ADAMTS6: variants seen among roughly 807,000 people sequenced by gnomAD.
The protein encoded by ADAMTS6 is A disintegrin and metalloproteinase with thrombospondin motifs 6.
A neutral mutation model predicts 144.3 loss-of-function variants in ADAMTS6; 23 were observed. The observed-to-expected ratio is 0.16, with a 90% CI of 0.11 to 0.23. The LOEUF (loss-of-function observed/expected upper bound fraction) is 0.23, where lower values mean the gene tolerates loss of function less well. Among genes scored for constraint, ADAMTS6 ranks in the 10% least tolerant of loss-of-function variants. The pLI is 1.00. For missense variants in ADAMTS6, 999 were observed against 1,379.6 expected (o/e 0.72, Z 4.37); for synonymous variants, 444 against 457.5 (o/e 0.97, Z 0.38).
intron 24 of ADAMTS6, among the ~76,000 whole-genome samples, chr5:65,163,205 C>T (rs1172663446): frequency 1.3e-5 from 2 of 152,056 alleles, no homozygotes; most frequent in Non-Finnish European, 2.9e-5. Context: ...GCCACCACAC[C>T]CAGCTAAGAG....
Position 65,481,469 on chromosome 5 carries a change from C to T in ADAMTS6, c.-406G>A, listed in dbSNP as rs1325259247. 1 of 150,250 alleles carries T rather than the reference C, an allele frequency of 6.7e-6. No homozygotes were observed. 9.3% of individuals were successfully genotyped at this position (150,250 alleles called of 1,614,324 possible). A position where few individuals can be genotyped will look rare whatever the true frequency, so the allele number is the denominator to read the frequency against. Reference sequence around the variant, plus strand: ...TTTTATTTTTTTATTTTTTGCCCCCCTTTGCAAAGCCACACCAGCCAGTTA... The same window carrying T: ...TTTTATTTTTTTATTTTTTGCCCCCTTTTGCAAAGCCACACCAGCCAGTTA... On this transcript the variant is annotated 5_prime_UTR_variant, in exon 1 of 25. Transcript: ENST00000381055.
At chr5:65,456,902 A>G (rs764857571) in intron 4 of ADAMTS6, among the ~76,000 whole-genome samples, 42 of 152,202 alleles carry the variant, frequency 2.8e-4, no homozygotes, top group African/African-American at 8.0e-4. Flanking sequence ...GAAAAAAATA[A>G]TATCTGAATA....
intron 14 of ADAMTS6, chr5:65,256,470 C>A (rs2112569180): frequency 6.6e-6 from 1 of 152,162 alleles, no homozygotes; most frequent in Non-Finnish European, 1.5e-5. Flanking sequence ...AAGTTCTGAG[C>A]TAGTAGAGTC....
At chr5:65,296,554 C>A (rs958701521) in intron 10 of ADAMTS6, among the ~76,000 whole-genome samples, 1 of 152,128 alleles carries the variant, frequency 6.6e-6, no homozygotes, top group South Asian at 2.1e-4. Context: ...TTAGATTCTA[C>A]ATTTTTTTAA....
At chr5:65,271,612 A>G (rs990060821) in intron 12 of ADAMTS6, among the ~76,000 whole-genome samples, 17 of 152,128 alleles carry the variant, frequency 1.1e-4, no homozygotes, top group African/African-American at 4.1e-4. Flanking sequence ...ACGTATTTAC[A>G]ATATAATTTA....
At chr5:65,219,510 A>G (rs1037685943) in intron 18 of ADAMTS6, among the ~76,000 whole-genome samples, 5 of 152,254 alleles carry the variant, frequency 3.3e-5, no homozygotes, top group Admixed American at 6.5e-5. Context: ...AAGATTTACC[A>G]TGCAAACACT....
At chr5:65,342,145 T>G (rs759102026) in intron 7 of ADAMTS6, among the ~76,000 whole-genome samples, 2 of 152,154 alleles carry the variant, frequency 1.3e-5, no homozygotes, top group Non-Finnish European at 2.9e-5. Flanking sequence ...CAATATTGTT[T>G]AATGATAAAA....
intron 18 of ADAMTS6, among the ~76,000 whole-genome samples, chr5:65,220,862 G>T (rs1231883990): frequency 6.6e-6 from 1 of 152,048 alleles, no homozygotes; most frequent in Non-Finnish European, 1.5e-5. Flanking sequence ...CCCTCATTAG[G>T]ATTATCAAGG....
chr5:65,251,161 C>T (rs1023437746), intron 14 of ADAMTS6: 3 of 152,274 alleles, frequency 2.0e-5, no homozygotes, highest in African/African-American at 7.2e-5. Context: ...CCTAAGCAAA[C>T]ATTTTTCAGA....
chr5:65,171,707 TAA>T (rs963954247), intron 23 of ADAMTS6, among the ~76,000 whole-genome samples: 1 of 146,726 alleles, frequency 6.8e-6, no homozygotes. Flanking sequence ...TGGGGTCATT[TAA>T]AAAAAAAAAG....
rs542745285 is a variant in ADAMTS6 at position 65,268,152 on chromosome 5, T to A, written c.1620+5188A>T. On this transcript the variant is annotated intron_variant, in intron 12 of 24. Transcript: ENST00000381055. ...AGAAGGGCATTTAATAATACTATTC[T>A]AATCCAGCCCTGTGTTTCCTATGGA... 1.1e-3 allele frequency among the ~76,000 whole-genome samples: 162 copies of A among 152,328 alleles called. 1 individual carries two copies. Among genetic ancestry groups the A allele is most frequent in the African/African-American group, 3.7e-3 (155 of 41,584 alleles).
At chr5:65,411,239 G>T (rs918063357) in intron 7 of ADAMTS6, among the ~76,000 whole-genome samples, 5 of 152,108 alleles carry the variant, frequency 3.3e-5, no homozygotes, top group Middle Eastern at 3.2e-3. Context: ...TTGCTGTGCT[G>T]CAGTGAACAT....
intron 7 of ADAMTS6, among the ~76,000 whole-genome samples, chr5:65,347,694 T>C (rs1228319717): frequency 1.3e-5 from 2 of 151,932 alleles, no homozygotes; most frequent in African/African-American, 4.8e-5. Flanking sequence ...GCAAAGGAAA[T>C]TTAACAGTGA....
Position 65,275,764 on chromosome 5 carries a change from TA to T in ADAMTS6, c.1513-2318del, listed in dbSNP as rs200963849. 5.6e-3 allele frequency among the ~76,000 whole-genome samples: 856 copies of T among 152,074 alleles called. 8 individuals carry two copies. The highest frequency in any genetic ancestry group is 0.02 in the African/African-American group (826 of 41,554). On this transcript the variant is annotated intron_variant, in intron 11 of 24. Coordinates refer to ENST00000381055, the MANE Select transcript of ADAMTS6 (RefSeq NM_197941.4). ...TAATATATTCTTGTAGTTTAATATT[TA>T]AAAAGCAGTAAGAGTAACATTTAAG...
At chr5:65,412,739 T>A (rs773928536) in intron 7 of ADAMTS6, among the ~76,000 whole-genome samples, 3 of 152,012 alleles carry the variant, frequency 2.0e-5, no homozygotes, top group Non-Finnish European at 4.4e-5. Context: ...ATATTTGATA[T>A]CAAATAACAA....
At chr5:65,297,367 T>C (rs971819830) in intron 10 of ADAMTS6, 5 of 389,726 alleles carry the variant, frequency 1.3e-5, no homozygotes, top group Admixed American at 6.4e-5. Flanking sequence ...CAGTTGAACA[T>C]AGTGAATTGT....
At chr5:65,416,048 C>A in intron 7 of ADAMTS6, 1 of 188,096 alleles carries the variant, frequency 5.3e-6, no homozygotes, top group Non-Finnish European at 1.1e-5. Flanking sequence ...TGGGCAATTT[C>A]GCCAAGGCCA....
chr5:65,466,768 C>T (rs1333549862), intron 3 of ADAMTS6, among the ~76,000 whole-genome samples: 2 of 152,124 alleles, frequency 1.3e-5, no homozygotes, highest in African/African-American at 4.8e-5. Flanking sequence ...ATAGGCCGGG[C>T]GCGGTGGCTC....
At chr5:65,370,917 C>G (rs922873694) in intron 7 of ADAMTS6, among the ~76,000 whole-genome samples, 1 of 152,222 alleles carries the variant, frequency 6.6e-6, no homozygotes, top group Admixed American at 6.5e-5. Context: ...CAGCACACAG[C>G]TGGAGATCTG....
Sources: allele counts gnomAD v4.1 joint callset (sites outside exome capture counted in the v4.1 genomes callset), GRCh38; gene constraint gnomAD v4.1.1; transcripts MANE v1.5; gene names NCBI Gene and HGNC (gene_info 2026-07-23, HGNC 2026-07-21).